CADM2: variants seen among roughly 807,000 people sequenced by gnomAD.
The protein encoded by CADM2 is immunoglobulin superfamily member 4D.
CADM2 carries 12 observed loss-of-function variants against 49.8 expected under a neutral mutation model. The observed-to-expected ratio is 0.24, with a 90% CI of 0.15 to 0.39. The LOEUF (loss-of-function observed/expected upper bound fraction) is 0.39, where lower values mean the gene tolerates loss of function less well. CADM2 is among the 10% of genes least tolerant of loss of function. CADM2 has a pLI of 1.00. For missense variants in CADM2, 378 were observed against 492.3 expected, an observed-to-expected ratio of 0.77 and a Z score of 2.20; for synonymous variants, 214 against 175.4, an observed-to-expected ratio of 1.22 and a Z score of -1.74.
At chr3:85,788,260 CAT>C (rs2071115969) in intron 2 of CADM2, among the ~76,000 whole-genome samples, 1 of 152,094 alleles carries the variant, frequency 6.6e-6, no homozygotes, top group African/African-American at 2.4e-5. Flanking sequence ...TTTCAGGAAA[CAT>C]TGTTATATTT....
chr3:86,016,144 AT>A (rs1732196592), intron 8 of CADM2, among the ~76,000 whole-genome samples: 7 of 152,088 alleles, frequency 4.6e-5, no homozygotes, highest in Admixed American at 4.6e-4. Flanking sequence ...TTGATACACT[AT>A]TTTTTTAGTA....
chr3:85,207,206 G>A (rs1324126505), intron 1 of CADM2, among the ~76,000 whole-genome samples: 1 of 152,026 alleles, frequency 6.6e-6, no homozygotes, highest in African/African-American at 2.4e-5. Context: ...CAGAATAAGT[G>A]TTGACTCTTA....
chr3:85,935,644 T>C, intron 6 of CADM2, 123 bp from the exon 7 acceptor site: 1 of 434,010 alleles, frequency 2.3e-6, no homozygotes, highest in East Asian at 3.6e-5. Context: ...AGAAATCCTT[T>C]ATAAATATAC....
At chr3:85,572,428 A>G (rs1212653470) in intron 1 of CADM2, among the ~76,000 whole-genome samples, 1 of 152,204 alleles carries the variant, frequency 6.6e-6, no homozygotes, top group Non-Finnish European at 1.5e-5. Flanking sequence ...AGGGTTCTCC[A>G]GAAAGAAGCA....
At chr3:85,797,742 C>T (rs1055454999) in intron 2 of CADM2, among the ~76,000 whole-genome samples, 3 of 152,144 alleles carry the variant, frequency 2.0e-5, no homozygotes, top group Non-Finnish European at 4.4e-5. Context: ...GTCTTTATAG[C>T]ATAATGATTT....
intron 1 of CADM2, among the ~76,000 whole-genome samples, chr3:85,400,160 C>T (rs905857498): frequency 3.3e-5 from 5 of 152,100 alleles, no homozygotes; most frequent in African/African-American, 4.8e-5. Context: ...TAGCATGAAG[C>T]GTTGTTGAGT....
chr3:85,011,496 A>T (rs2033991652), intron 1 of CADM2, among the ~76,000 whole-genome samples: 1 of 152,230 alleles, frequency 6.6e-6, no homozygotes, highest in African/African-American at 2.4e-5. Flanking sequence ...AAATGAACAT[A>T]GCAATTCCAT....
intron 1 of CADM2, among the ~76,000 whole-genome samples, chr3:85,106,059 C>T (rs1435045129): frequency 6.6e-6 from 1 of 151,844 alleles, no homozygotes; most frequent in Non-Finnish European, 1.5e-5. Flanking sequence ...CAAACCTGCA[C>T]ATTGTGCACA....
At chr3:85,157,911 A>C (rs1016460938) in intron 1 of CADM2, among the ~76,000 whole-genome samples, 1 of 152,130 alleles carries the variant, frequency 6.6e-6, no homozygotes, top group Non-Finnish European at 1.5e-5. Flanking sequence ...GCAACCTACA[A>C]AATGGGAGAA....
intron 1 of CADM2, among the ~76,000 whole-genome samples, chr3:85,332,392 C>G (rs1372441871): frequency 6.6e-6 from 1 of 151,926 alleles, no homozygotes; most frequent in East Asian, 1.9e-4. Flanking sequence ...TTAGGGAGAT[C>G]AGAGCTTATT....
rs113742444 is a variant in CADM2 at position 85,337,698 on chromosome 3, T to C, written c.61+378030T>C. On this transcript the variant is annotated intron_variant, in intron 1 of 9. Coordinates refer to ENST00000383699, the MANE Select transcript of CADM2 (RefSeq NM_001167675.2). ...TGGGATAAGATCTAAGTATTTTTGC[T>C]CTTTTTTCTACAAAATCTATAAACA... Among the ~76,000 whole-genome samples, 934 of 151,562 alleles carry C rather than the reference T, an allele frequency of 6.2e-3. 7 individuals carry two copies. The highest frequency in any genetic ancestry group is 0.02 in the African/African-American group (849 of 41,492).
Position 85,306,291 on chromosome 3 carries a change from T to C in CADM2, c.61+346623T>C, listed in dbSNP as rs1210341562. 2.6e-5 allele frequency among the ~76,000 whole-genome samples: 4 copies of C among 151,648 alleles called. No individual in the cohort carries two copies. In the East Asian group the frequency reaches 7.7e-4, roughly 29 times the overall value. On this transcript the variant is annotated intron_variant, in intron 1 of 9. Coordinates refer to ENST00000383699, the MANE Select transcript of CADM2 (RefSeq NM_001167675.2). ...AAATATATGTTTTTAAATTGCAAAT[T>C]TGTTGTTAAGAATTGATTTTTGACT...
intron 1 of CADM2, among the ~76,000 whole-genome samples, chr3:85,650,193 A>C: frequency 6.6e-6 from 1 of 152,204 alleles, no homozygotes; most frequent in East Asian, 1.9e-4. Flanking sequence ...AGCCACAAAA[A>C]GTGAAGCCTT....
At chr3:84,962,742 A>G (rs1304314340) in intron 1 of CADM2, among the ~76,000 whole-genome samples, 1 of 152,144 alleles carries the variant, frequency 6.6e-6, no homozygotes, top group East Asian at 1.9e-4. Context: ...CACTTAAGTA[A>G]TACTAATCAG....
chr3:85,138,900 G>C (rs2039497220), intron 1 of CADM2, among the ~76,000 whole-genome samples: 1 of 152,128 alleles, frequency 6.6e-6, no homozygotes, highest in Non-Finnish European at 1.5e-5. Context: ...GATTCTAAAG[G>C]CCAGCTAGGT....
intron 1 of CADM2, among the ~76,000 whole-genome samples, chr3:85,408,415 T>G (rs761152662): frequency 6.6e-6 from 1 of 152,220 alleles, no homozygotes; most frequent in Non-Finnish European, 1.5e-5. Context: ...AAAAATTAAT[T>G]TTTTTGAAAC....
chr3:85,860,496 A>G (rs2075486181), intron 3 of CADM2, among the ~76,000 whole-genome samples: 1 of 152,164 alleles, frequency 6.6e-6, no homozygotes, highest in Non-Finnish European at 1.5e-5. Context: ...CAAAATTTAA[A>G]CTGAGTGGCT....
chr3:85,798,626 A>T (rs983445825), intron 2 of CADM2, among the ~76,000 whole-genome samples: 3 of 151,980 alleles, frequency 2.0e-5, no homozygotes, highest in African/African-American at 7.3e-5. Flanking sequence ...CCATTGCTCT[A>T]TATTTCTGTT....
intron 1 of CADM2, among the ~76,000 whole-genome samples, chr3:85,704,889 C>T (rs1333358565): frequency 4.0e-5 from 6 of 148,760 alleles, no homozygotes; most frequent in Admixed American, 6.7e-5. Flanking sequence ...GATGGAGTCT[C>T]GCTCTGTCGT....
Sources: allele counts gnomAD v4.1 joint callset (sites outside exome capture counted in the v4.1 genomes callset), GRCh38; gene constraint gnomAD v4.1.1; transcripts MANE v1.5; gene names NCBI Gene and HGNC (gene_info 2026-07-23, HGNC 2026-07-21).